Variants in PCDH11X observed in about 807,000 individuals in gnomAD.
PCDH11X encodes protocadherin-11 X-linked.
Under a neutral mutation model 53.3 loss-of-function variants are expected in PCDH11X, and 18 were observed. That is an observed-to-expected ratio of 0.34 (90% CI 0.23 to 0.50). The LOEUF (loss-of-function observed/expected upper bound fraction) is 0.50, where lower values mean the gene tolerates loss of function less well. Ranked by LOEUF, PCDH11X falls within the 20% of genes least tolerant of loss-of-function variation. The pLI, the probability that PCDH11X is intolerant of heterozygous loss-of-function variation, is 0.98. For missense variants in PCDH11X, 570 were observed against 1,032.4 expected (o/e 0.55, Z 6.14); for synonymous variants, 279 against 393.3 (o/e 0.71, Z 3.44).
At chrX:92,214,253 C>G (rs1235825875) in intron 7 of PCDH11X, among the ~76,000 whole-genome samples, 1 of 111,741 alleles carries the variant, frequency 8.9e-6, no homozygotes, top group Non-Finnish European at 1.9e-5. Context: ...AGGGCACATT[C>G]AAATGCGCAA....
At chrX:92,471,960 T>C (rs1319227100) in intron 10 of PCDH11X, among the ~76,000 whole-genome samples, 1 of 111,858 alleles carries the variant, frequency 8.9e-6, no homozygotes, top group Non-Finnish European at 1.9e-5. Flanking sequence ...AGTTGTTTTT[T>C]TTCTTTGTAA....
chrX:91,867,498 T>C (rs985025352), intron 5 of PCDH11X, among the ~76,000 whole-genome samples: 7 of 107,729 alleles, frequency 6.5e-5, no homozygotes, highest in African/African-American at 2.4e-4. Flanking sequence ...GGTACTTTCT[T>C]CTAAAACAAA....
chrX:92,461,099 T>C, intron 9 of PCDH11X: 1 of 425,092 alleles, frequency 2.4e-6, no homozygotes. Context: ...ACATTTCATA[T>C]TCATAGATTT....
intron 9 of PCDH11X, among the ~76,000 whole-genome samples, chrX:92,448,320 C>T (rs1167773497): frequency 3.9e-5 from 4 of 102,535 alleles, no homozygotes; most frequent in African/African-American, 1.4e-4. Flanking sequence ...ATTGTAACTC[C>T]CACAATTCCC....
At chrX:92,548,537 T>C (rs954370853) in intron 10 of PCDH11X, among the ~76,000 whole-genome samples, 1 of 111,654 alleles carries the variant, frequency 9.0e-6, no homozygotes, top group Non-Finnish European at 1.9e-5. Context: ...GTTGCTGATG[T>C]TGTCAAACCT....
intron 8 of PCDH11X, among the ~76,000 whole-genome samples, chrX:92,386,257 T>C (rs765921614): frequency 9.0e-6 from 1 of 111,337 alleles, no homozygotes; most frequent in South Asian, 3.7e-4. Flanking sequence ...GATATTCAAA[T>C]CTTTTCATAG....
intron 1 of PCDH11X, among the ~76,000 whole-genome samples, chrX:91,781,445 G>C (rs1935139849): frequency 8.9e-6 from 1 of 112,682 alleles, no homozygotes; most frequent in Non-Finnish European, 1.9e-5. Context: ...TGAGAACATA[G>C]AGGTGCTTTG....
At chrX:92,382,022 A>C (rs752977979) in intron 8 of PCDH11X, among the ~76,000 whole-genome samples, 33 of 111,241 alleles carry the variant, frequency 3.0e-4, no homozygotes, top group Non-Finnish European at 1.7e-4. Flanking sequence ...ACAGGGACAA[A>C]AATGAAAAGG....
intron 1 of PCDH11X, among the ~76,000 whole-genome samples, chrX:91,804,996 C>T (rs1936052709): frequency 9.9e-6 from 1 of 101,052 alleles, no homozygotes; most frequent in East Asian, 3.2e-4. Context: ...AAAAAGACTC[C>T]TAGAAGTTAC....
chrX:92,510,786 A>G (rs1170785353), intron 10 of PCDH11X, among the ~76,000 whole-genome samples: 1 of 111,639 alleles, frequency 9.0e-6, no homozygotes, highest in Non-Finnish European at 1.9e-5. Flanking sequence ...AGTTTGTCTT[A>G]TCCTAATTCA....
intron 8 of PCDH11X, among the ~76,000 whole-genome samples, chrX:92,281,521 G>A (rs1450464247): frequency 8.9e-6 from 1 of 112,191 alleles, no homozygotes; most frequent in Non-Finnish European, 1.9e-5. Flanking sequence ...ATATAAACTA[G>A]TCAGTATGAA....
intron 5 of PCDH11X, among the ~76,000 whole-genome samples, chrX:91,839,967 C>T (rs909005987): frequency 2.7e-5 from 3 of 111,736 alleles, no homozygotes; most frequent in Non-Finnish European, 3.8e-5. Context: ...AACTGTTGTT[C>T]AGGAGTAGGA....
At chrX:92,611,743 G>C (rs1927406063) in intron 10 of PCDH11X, among the ~76,000 whole-genome samples, 1 of 103,113 alleles carries the variant, frequency 9.7e-6, no homozygotes, top group African/African-American at 3.6e-5. Flanking sequence ...ATTACTTTAA[G>C]GTGTGTTCCT....
chrX:91,844,034 TA>T (rs757299054), intron 5 of PCDH11X, among the ~76,000 whole-genome samples: 3 of 111,559 alleles, frequency 2.7e-5, no homozygotes, highest in African/African-American at 6.5e-5. Context: ...ATGATGTAAG[TA>T]AAATCTATAA....
intron 9 of PCDH11X, among the ~76,000 whole-genome samples, chrX:92,407,997 G>A (rs201536240): frequency 0.32 from 34,878 of 107,926 alleles, 4,755 homozygotes; most frequent in East Asian, 0.7. Flanking sequence ...CAATTCTCCT[G>A]CCTCAGCCTC....
chrX:92,048,534 C>T (rs776592426), intron 6 of PCDH11X, among the ~76,000 whole-genome samples: 1 of 110,651 alleles, frequency 9.0e-6, no homozygotes, highest in Non-Finnish European at 1.9e-5. Context: ...GAATATACTT[C>T]GTTCTTTTTA....
chrX:91,880,944 A>G (rs889083070), intron 6 of PCDH11X, among the ~76,000 whole-genome samples: 4 of 110,529 alleles, frequency 3.6e-5, no homozygotes, highest in Non-Finnish European at 7.6e-5. Flanking sequence ...TGATTTGGGT[A>G]TAATAACATT....
chrX:92,317,108 G>A (rs35493849), intron 8 of PCDH11X, among the ~76,000 whole-genome samples: 6 of 111,058 alleles, frequency 5.4e-5, no homozygotes, highest in African/African-American at 9.8e-5. Flanking sequence ...AATATGATGC[G>A]GACAAGAGTG....
chrX:92,406,567 C>A (rs1374923301), intron 9 of PCDH11X, among the ~76,000 whole-genome samples: 1 of 97,439 alleles, frequency 1.0e-5, no homozygotes, highest in Non-Finnish European at 2.0e-5. Flanking sequence ...TGTTTCTATC[C>A]TCTAATATTT....
Sources: allele counts gnomAD v4.1 joint callset (sites outside exome capture counted in the v4.1 genomes callset), GRCh38; gene constraint gnomAD v4.1.1; transcripts MANE v1.5; gene names NCBI Gene and HGNC (gene_info 2026-07-23, HGNC 2026-07-21).